The following ADCY10 variants were observed in gnomAD, a reference collection of about 807,000 sequenced individuals.
ADCY10 encodes adenylate cyclase 10, also known as adenylate cyclase type 10.
A neutral mutation model predicts 183.3 loss-of-function variants in ADCY10; 156 were observed. The ratio of observed to expected loss-of-function variants is 0.85; its 90% CI spans 0.75 to 0.97. The LOEUF is 0.97. ADCY10 is among the 50% of genes least tolerant of loss of function. ADCY10 has a pLI of 0.00. For synonymous variants in ADCY10, 645 were observed against 670.0 expected (o/e 0.96, Z 0.58); for missense variants, 1,745 against 1,934.3 (o/e 0.90, Z 1.84).
At chr1:167,830,141 G>C (rs879508888) in intron 25 of ADCY10, among the ~76,000 whole-genome samples, 4 of 152,150 alleles carry the variant, frequency 2.6e-5, no homozygotes, top group Non-Finnish European at 5.9e-5. Context: ...CCTATTTACT[G>C]AGTGTGAGAC....
chr1:167,909,783 G>T (rs982969787), intron 1 of ADCY10, among the ~76,000 whole-genome samples: 1 of 152,156 alleles, frequency 6.6e-6, no homozygotes, highest in African/African-American at 2.4e-5. Flanking sequence ...CACTTATTTT[G>T]TCAGGCTTTT....
In ADCY10 at chr1:167,856,487, T is replaced by C. The variant is rs372894471; in HGVS notation, c.1897-48A>G. 4.4e-5 allele frequency: 70 copies of C among 1,603,452 alleles called. No homozygotes were observed. The African/African-American group carries it at 6.1e-4, about 14-fold the overall frequency. ...AAGAGAAACACCATAGGACGTCAGG[T>C]TTTTTTACACATGTATGGGTATGCA... On this transcript the variant is annotated intron_variant, in intron 16 of 32. Transcript: ENST00000367851.
rs1664000979 is a variant in ADCY10 at position 167,834,033 on chromosome 1, G to A, written c.3354C>T (p.Leu1118=). 3 of 1,614,116 alleles carry A rather than the reference G, an allele frequency of 1.9e-6. No individual in the cohort carries two copies. In the Admixed American group the frequency reaches 5.0e-5, roughly 27 times the overall value. ...LNEGQKLLKT[L]KKDKSWSQTF... is the part of the protein sequence containing the mutation. Reference sequence around the variant, plus strand: ...TCTGGCTCCAAGATTTGTCCTTCTTGAGAGTTTTTAGCAACTTCTGTCCTT... The same window carrying A: ...TCTGGCTCCAAGATTTGTCCTTCTTAAGAGTTTTTAGCAACTTCTGTCCTT... The change falls in exon 24 of 33, where the codon CTC becomes CTT. Residue 1118 remains leucine, a synonymous_variant. Coordinates refer to ENST00000367851, the MANE Select transcript of ADCY10 (RefSeq NM_018417.6).
intron 8 of ADCY10, among the ~76,000 whole-genome samples, chr1:167,886,070 A>T (rs1668204103): frequency 6.6e-6 from 1 of 152,228 alleles, no homozygotes; most frequent in Admixed American, 6.5e-5. Context: ...ATGGAAGAAC[A>T]TTCCATGCTC....
At chr1:167,814,998 G>C (rs1195580053) in intron 31 of ADCY10, among the ~76,000 whole-genome samples, 1 of 152,038 alleles carries the variant, frequency 6.6e-6, no homozygotes, top group Admixed American at 6.6e-5. Flanking sequence ...GATGGCGGGT[G>C]CCTGTAATCC....
chr1:167,878,965 C>T (rs1667685741), intron 11 of ADCY10, among the ~76,000 whole-genome samples: 1 of 152,322 alleles, frequency 6.6e-6, no homozygotes, highest in Middle Eastern at 3.4e-3. Flanking sequence ...GTCAGTTGGT[C>T]TTCTGCCACA....
At chr1:167,895,695 T>A (rs1668925061) in intron 7 of ADCY10, among the ~76,000 whole-genome samples, 1 of 152,210 alleles carries the variant, frequency 6.6e-6, no homozygotes, top group African/African-American at 2.4e-5. Context: ...ATTCTGGCTG[T>A]TAGGTCTGAG....
In ADCY10 at chr1:167,870,256, C is replaced by T. The variant is rs139591383; in HGVS notation, c.1616+1G>A. ...CAGAACAATCATTCCAAGACACTCACCTGTGATTCTTACCTTGGGCCAGGT... is the reference window on the plus strand; with the variant it reads ...CAGAACAATCATTCCAAGACACTCATCTGTGATTCTTACCTTGGGCCAGGT... On this transcript the variant is annotated splice_donor_variant, in intron 14 of 32. Transcript: ENST00000367851. LOFTEE classifies it high-confidence loss of function. 7 of 1,613,924 alleles carry T rather than the reference C, an allele frequency of 4.3e-6. No individual in the cohort carries two copies. The highest frequency in any genetic ancestry group is 2.7e-5 in the African/African-American group (2 of 74,898).
In ADCY10 at chr1:167,846,204, C is replaced by G; in HGVS notation, c.2497G>C (p.Ala833Pro). 1 of 1,614,198 alleles carries G rather than the reference C, an allele frequency of 6.2e-7. No homozygotes were observed. Among genetic ancestry groups the G allele is most frequent in the Non-Finnish European group, 8.5e-7 (1 of 1,180,038 alleles). ...RLSHQMLVRC[A>P]AIIGLTFTTE... is the part of the protein sequence containing the mutation. ...GTGAAGGTCAGGCCAATGATGGCAG[C>G]ACATCTCACCAGCATTTGGTGGGAA... is the stretch of plus-strand genomic sequence containing the variant. Residue 833 changes from alanine to proline, a missense_variant, in exon 20 of 33, where the codon GCT (alanine) becomes CCT (proline). By Grantham distance (27) the Ala-to-Pro change is conservative (BLOSUM62 -1). Coordinates refer to ENST00000367851, the MANE Select transcript of ADCY10 (RefSeq NM_018417.6).
intron 1 of ADCY10, among the ~76,000 whole-genome samples, chr1:167,907,743 TA>T (rs1287489312): frequency 6.6e-6 from 1 of 152,242 alleles, no homozygotes; most frequent in Non-Finnish European, 1.5e-5. Flanking sequence ...TTGGAAGAGT[TA>T]TTAAACTTTT....
intron 8 of ADCY10, among the ~76,000 whole-genome samples, chr1:167,891,262 T>A (rs1463717231): frequency 1.3e-5 from 2 of 151,588 alleles, no homozygotes; most frequent in Admixed American, 1.3e-4. Flanking sequence ...GCTTGGCTCA[T>A]CTAACATTTA....
Position 167,860,886 on chromosome 1 carries a change from G to A in ADCY10, c.1794C>T (p.Asp598=). The change falls in exon 15 of 33, where the codon GAC becomes GAT. Residue 598 remains aspartate (D), a synonymous_variant. Transcript: ENST00000367851. ...AGCTAGTTACCTGAACATGGAAAAT[G>A]TCATTAAGAAGACAGTAGAACTTTT... is the stretch of plus-strand genomic sequence containing the variant. ...LDEKFYCLLN[D]IFHVQFPISR... 6.2e-7 allele frequency: 1 copy of A among 1,614,066 alleles called. No homozygotes were observed. The highest frequency in any genetic ancestry group is 8.5e-7 in the Non-Finnish European group (1 of 1,179,934).
At chr1:167,884,235 T>C (rs1308055572) in intron 8 of ADCY10, among the ~76,000 whole-genome samples, 1 of 152,168 alleles carries the variant, frequency 6.6e-6, no homozygotes, top group Non-Finnish European at 1.5e-5. Context: ...CACAGTTCCA[T>C]GGGCTGTACA....
At chr1:167,892,662 G>C (rs757889011) in intron 8 of ADCY10, among the ~76,000 whole-genome samples, 2 of 152,148 alleles carry the variant, frequency 1.3e-5, no homozygotes, top group African/African-American at 4.8e-5. Context: ...GGCACTAGGG[G>C]TAATGTTTTT....
chr1:167,853,830 C>CTTTTTTTTTTTTTTTTTT lies in ADCY10; in HGVS notation c.2308+505_2308+522dup, dbSNP rs538462140. Among the ~76,000 whole-genome samples the CTTTTTTTTTTTTTTTTTT allele has an allele frequency of 6.3e-4, 49 of 77,188 alleles. 4 individuals carry two copies. The highest frequency in any genetic ancestry group is 1.7e-3 in the African/African-American group (30 of 18,130). The allele number at this position is 77,188 out of a possible 152,430, so 50.6% of individuals were successfully genotyped here. On this transcript the variant is annotated intron_variant, in intron 18 of 32. Transcript: ENST00000367851. ...TGTTCTTTCATTTCTACTATAGTTA[C>CTTTTTTTTTTTTTTTTTT]TTTTTTTTTTTTTTTTTTTTTTTTT...
intron 9 of ADCY10, among the ~76,000 whole-genome samples, chr1:167,880,860 A>G (rs1438393666): frequency 2.0e-5 from 3 of 152,326 alleles, no homozygotes; most frequent in Non-Finnish European, 2.9e-5. Context: ...ATCTGTGTGC[A>G]TGCTTCGGCC....
intron 26 of ADCY10, 24 bp downstream of exon 26, chr1:167,829,243 G>A (rs754507528): frequency 8.1e-6 from 13 of 1,613,428 alleles, no homozygotes; most frequent in South Asian, 6.6e-5. Context: ...GAAACTTAAA[G>A]GAGCAGCTAC....
chr1:167,887,604 T>G (rs952412313), intron 8 of ADCY10, among the ~76,000 whole-genome samples: 1 of 151,882 alleles, frequency 6.6e-6, no homozygotes, highest in African/African-American at 2.4e-5. Flanking sequence ...AAAAGATGAG[T>G]TAATGGGTGC....
intron 21 of ADCY10, among the ~76,000 whole-genome samples, chr1:167,837,618 G>A (rs1465154178): frequency 6.6e-6 from 1 of 152,222 alleles, no homozygotes; most frequent in Non-Finnish European, 1.5e-5. Context: ...CCCACAAGTT[G>A]GGAGGAGCCT....
Sources: gnomAD v4.1 joint callset for allele counts (sites outside exome capture counted in the v4.1 genomes callset) on GRCh38, gnomAD v4.1.1 for gene constraint, MANE v1.5 for transcripts, NCBI Gene and HGNC (gene_info 2026-07-23, HGNC 2026-07-21) for gene names.